The following VIT variants were observed in gnomAD, a reference collection of about 807,000 sequenced individuals.
The protein encoded by VIT is vitrin.
In VIT, 99 loss-of-function variants were observed where a neutral mutation model predicts 78.0. The observed-to-expected ratio is 1.27, with a 90% confidence interval of 1.08 to 1.50. The LOEUF (loss-of-function observed/expected upper bound fraction) is 1.50. Among genes scored for constraint, VIT ranks in the 40% most tolerant of loss-of-function variants. The pLI, the probability that VIT is intolerant of heterozygous loss-of-function variation, is 0.00. For missense variants in VIT, 1,126 were observed against 875.3 expected (o/e 1.29, Z -3.61); for synonymous variants, 374 against 334.3 (o/e 1.12, Z -1.29).
chr2:36,787,095 C>T, intron 11 of VIT, 34 bp from the exon 12 acceptor site: 1 of 1,611,944 alleles, frequency 6.2e-7, no homozygotes. Context: ...AGTGAGAGAT[C>T]ATGAGAATAA....
chr2:36,698,717 G>A (rs966214726), intron 1 of VIT, among the ~76,000 whole-genome samples: 1 of 152,156 alleles, frequency 6.6e-6, no homozygotes, highest in Non-Finnish European at 1.5e-5. Flanking sequence ...GCCGAGGTGG[G>A]TGGATCACCT....
chr2:36,790,672 T>C (rs1329197082), intron 12 of VIT, among the ~76,000 whole-genome samples: 1 of 152,168 alleles, frequency 6.6e-6, no homozygotes, highest in Non-Finnish European at 1.5e-5. Context: ...ATATTAGTCT[T>C]GAGTTAATCC....
chr2:36,736,817 G>T (rs778703572), intron 3 of VIT, among the ~76,000 whole-genome samples: 16 of 152,204 alleles, frequency 1.1e-4, no homozygotes, highest in Non-Finnish European at 4.4e-5. Flanking sequence ...TTACAATGGG[G>T]TTGTGTTTTC....
In VIT at chr2:36,783,415, A is replaced by G. The variant is rs760074873; in HGVS notation, c.910+13A>G. 1 of 1,613,886 alleles carries G rather than the reference A, an allele frequency of 6.2e-7. No homozygotes were observed. Among genetic ancestry groups the G allele is most frequent in the Non-Finnish European group, 8.5e-7 (1 of 1,179,830 alleles). On this transcript the variant is annotated intron_variant, in intron 11 of 15. Transcript: ENST00000379242. ...CTGGGAGATCCAAGTAAGTTAATTG[A>G]CAACTAGAAACCCACGGTGTCTTTG...
chr2:36,742,880 T>C (rs1667917967), intron 3 of VIT, among the ~76,000 whole-genome samples: 1 of 152,212 alleles, frequency 6.6e-6, no homozygotes, highest in Non-Finnish European at 1.5e-5. Flanking sequence ...AGCCTTTTGC[T>C]TTTGTTCTCA....
chr2:36,811,840 T>A (rs919738223), intron 15 of VIT, among the ~76,000 whole-genome samples: 1 of 151,520 alleles, frequency 6.6e-6, no homozygotes, highest in African/African-American at 2.4e-5. Flanking sequence ...ACCCAGCTAA[T>A]TTTTTTTGTA....
intron 3 of VIT, among the ~76,000 whole-genome samples, chr2:36,735,999 GT>G (rs908443285): frequency 6.6e-5 from 10 of 152,176 alleles, no homozygotes; most frequent in African/African-American, 2.4e-4. Context: ...TTAACGGACT[GT>G]TTAATCCAAG....
At chr2:36,745,081 C>T (rs1305552419) in intron 4 of VIT, among the ~76,000 whole-genome samples, 1 of 152,032 alleles carries the variant, frequency 6.6e-6, no homozygotes, top group African/African-American at 2.4e-5. Flanking sequence ...GGAATCCTTT[C>T]CCTATTGCTT....
At chr2:36,764,149 T>C (rs1669283944) in intron 6 of VIT, among the ~76,000 whole-genome samples, 1 of 152,222 alleles carries the variant, frequency 6.6e-6, no homozygotes, top group South Asian at 2.1e-4. Context: ...TAATAAGTTT[T>C]AGGTGGCAAA....
In VIT at chr2:36,801,345, C is replaced by T. The variant is rs768990791; in HGVS notation, c.1103C>T (p.Ser368Phe). 6.2e-7 allele frequency: 1 copy of T among 1,614,006 alleles called. No homozygotes were observed. Among genetic ancestry groups the T allele is most frequent in the African/African-American group, 1.3e-5 (1 of 74,910 alleles). ...THFNLKTHTN[S>F]RDLKTAIEKI... ...TTTAACCTCAAGACACACACGAATT[C>T]TCGAGATCTGAAGACAGCCATAGAG... is the stretch of plus-strand genomic sequence containing the variant. Residue 368 changes from serine to phenylalanine, a missense_variant, in exon 13 of 16, where the codon TCT (serine) becomes TTT (phenylalanine). Ser to Phe is a radical substitution (Grantham distance 155). Transcript: ENST00000379242.
At position 36,754,916 on chromosome 2, in the gene VIT, C is replaced by T. The variant is rs200798499; in HGVS notation, c.276-5C>T. ...TTCCTGAAAAATTATTTTTTCTCTT[C>T]ATAGTGGTGTGCTTGATAATTCAGG... On this transcript the variant is annotated splice_region_variant and splice_polypyrimidine_tract_variant and intron_variant, in intron 4 of 15. Transcript: ENST00000379242. 3.1e-4 allele frequency: 502 copies of T among 1,610,866 alleles called. 4 individuals are homozygous for T. The African/African-American group carries it at 6.2e-3, about 20-fold the overall frequency.
At chr2:36,718,715 C>A (rs1250096312) in intron 2 of VIT, among the ~76,000 whole-genome samples, 1 of 152,180 alleles carries the variant, frequency 6.6e-6, no homozygotes, top group Non-Finnish European at 1.5e-5. Flanking sequence ...GTACCTGGAC[C>A]AGGAGCCCTC....
In VIT at chr2:36,748,661, G is replaced by A. The variant is rs527753311; in HGVS notation, c.275+5405G>A. ...TCATTTTATGGGCTTCCTTGGATTA[G>A]GTTTCAACTATCTTCTGAATCTTGT... On this transcript the variant is annotated intron_variant, in intron 4 of 15. Transcript: ENST00000379242. Among the ~76,000 whole-genome samples the A allele has an allele frequency of 1.5e-4, 23 of 152,282 alleles. 1 individual carries two copies. The South Asian group carries it at 4.8e-3, about 32-fold the overall frequency.
At position 36,735,319 on chromosome 2, in the gene VIT, T is replaced by C. The variant is rs530271426; in HGVS notation, c.118+5828T>C. Among the ~76,000 whole-genome samples, 144 of 152,350 alleles carry C rather than the reference T, an allele frequency of 9.5e-4. 1 individual carries two copies. The highest frequency in any genetic ancestry group is 2.9e-3 in the African/African-American group (122 of 41,578). ...TCATTCCAAGCTAATATTTTGCTTT[T>C]ATGTGCTCAGTTGTATTGGATACAA... On this transcript the variant is annotated intron_variant, in intron 3 of 15. Coordinates refer to ENST00000379242, the MANE Select transcript of VIT (RefSeq NM_053276.4).
chr2:36,755,866 C>G (rs1668727993), intron 5 of VIT, among the ~76,000 whole-genome samples: 1 of 150,302 alleles, frequency 6.7e-6, no homozygotes, highest in African/African-American at 2.4e-5. Flanking sequence ...CTTTATTTTT[C>G]TTTTTGGTGC....
chr2:36,735,574 C>G (rs1021084981), intron 3 of VIT, among the ~76,000 whole-genome samples: 6 of 152,240 alleles, frequency 3.9e-5, no homozygotes, highest in African/African-American at 1.4e-4. Context: ...GGTAACCCCA[C>G]TGTTTCCTGG....
At chr2:36,702,757 C>A (rs569750353) in intron 1 of VIT, among the ~76,000 whole-genome samples, 1 of 152,298 alleles carries the variant, frequency 6.6e-6, no homozygotes, top group South Asian at 2.1e-4. Flanking sequence ...CAGGGGTTTA[C>A]AGCTGCTTCT....
intron 6 of VIT, among the ~76,000 whole-genome samples, chr2:36,761,320 C>T (rs1361163739): frequency 6.6e-6 from 1 of 152,098 alleles, no homozygotes; most frequent in East Asian, 1.9e-4. Flanking sequence ...GCTTCTGACC[C>T]CTCCTGTTTT....
chr2:36,764,839 C>T (rs1669324003), intron 6 of VIT, among the ~76,000 whole-genome samples: 1 of 152,064 alleles, frequency 6.6e-6, no homozygotes, highest in Non-Finnish European at 1.5e-5. Flanking sequence ...TTGTCCAGGA[C>T]TATGATTCTG....
Sources: gnomAD v4.1 joint callset for allele counts (sites outside exome capture counted in the v4.1 genomes callset) on GRCh38, gnomAD v4.1.1 for gene constraint, MANE v1.5 for transcripts, NCBI Gene and HGNC (gene_info 2026-07-23, HGNC 2026-07-21) for gene names.